CTSD: variants seen among roughly 807,000 people sequenced by gnomAD.
The protein encoded by CTSD is cathepsin D.
Under a neutral mutation model 43.6 loss-of-function variants are expected in CTSD, and 28 were observed. The ratio of observed to expected loss-of-function variants is 0.64; its 90% CI spans 0.48 to 0.88. The LOEUF is 0.88. Ranked by LOEUF, CTSD falls within the 40% of genes least tolerant of loss-of-function variation. The pLI is 0.00. For missense variants in CTSD, 485 were observed against 555.2 expected (o/e 0.87, Z 1.27); for synonymous variants, 270 against 249.8 (o/e 1.08, Z -0.76).
chr11:1,754,542 GGGATGGAGGGGATGGA>G (rs1845781740), intron 6 of CTSD, among the ~76,000 whole-genome samples: 1 of 126,484 alleles, frequency 7.9e-6, no homozygotes, highest in Non-Finnish European at 1.7e-5. Flanking sequence ...GAGGGATGGA[GGGATGGAGGGGATGGA>G]GGGATGGAGG....
At chr11:1,763,711 A>G in intron 1 of CTSD, 81 bp downstream of exon 1, 3 of 1,307,226 alleles carry the variant, frequency 2.3e-6, no homozygotes, top group Non-Finnish European at 3.1e-6. Context: ...GCCACAGGGG[A>G]GCGCGAAAGT....
chr11:1,754,104 C>A lies in CTSD; in HGVS notation c.862G>T (p.Glu288Ter), dbSNP rs1452751527. The stretch of plus-strand genomic sequence containing the variant: ...GTGTCCACAATGGCCTCACAGCCCT[C>A]CTTGCACAGGGTCAGCCCGCTGGCC... ...EVASGLTLCK[E>*]GCEAIVDTGT... The change falls in exon 7 of 9, where the codon GAG (glutamate) becomes TAG (stop). Residue 288 changes from glutamate (E) to a stop codon, truncating the protein, a stop_gained. Transcript: ENST00000236671. LOFTEE classifies it high-confidence loss of function. 6.2e-7 allele frequency: 1 copy of A among 1,611,138 alleles called. No homozygotes were observed. The highest frequency in any genetic ancestry group is 1.7e-5 in the Admixed American group (1 of 59,992).
chr11:1,757,718 T>C (rs1845827191), intron 4 of CTSD, among the ~76,000 whole-genome samples, 162 bp from the exon 5 acceptor site: 1 of 152,126 alleles, frequency 6.6e-6, no homozygotes, highest in South Asian at 2.1e-4. Context: ...TGAACACCGC[T>C]GGGGATGGGG....
Position 1,753,371 on chromosome 11 carries a change from G to A in CTSD, c.*132C>T, listed in dbSNP as rs767163886. The A allele has an allele frequency of 3.8e-5, 43 of 1,134,326 alleles. No individual in the cohort carries two copies. Among genetic ancestry groups the A allele is most frequent in the African/African-American group, 1.8e-4 (12 of 65,492 alleles). The allele number at this position is 1,134,326 out of a possible 1,614,324, so 70.3% of individuals were successfully genotyped here. A position where few individuals can be genotyped will look rare whatever the true frequency, so the allele number is the denominator to read the frequency against. ...CAAAACAGCAAGTCGGGCTTGGGCC[G>A]CCGGCTTCCAGGGCGCCCAGGACAG... On this transcript the variant is annotated 3_prime_UTR_variant, in exon 9 of 9. Coordinates refer to ENST00000236671, the MANE Select transcript of CTSD (RefSeq NM_001909.5).
Position 1,763,893 on chromosome 11 carries a change from G to C in CTSD, c.-34C>G. On this transcript the variant is annotated 5_prime_UTR_variant, in exon 1 of 9. Transcript: ENST00000236671. ...CGGCCGGGTCGGAGAGGGTCGCCGA[G>C]GCCGTGCGCTTATAGCCGGGATGAC... is the stretch of plus-strand genomic sequence containing the variant. 6.6e-7 allele frequency: 1 copy of C among 1,511,104 alleles called. No homozygotes were observed. Among genetic ancestry groups the C allele is most frequent in the Non-Finnish European group, 8.8e-7 (1 of 1,133,472 alleles). 93.6% of individuals were successfully genotyped at this position (1,511,104 alleles called of 1,614,324 possible).
At chr11:1,754,188 G>C in intron 6 of CTSD, 50 bp from the exon 7 acceptor site, 1 of 1,584,472 alleles carries the variant, frequency 6.3e-7, no homozygotes, top group Non-Finnish European at 8.6e-7. Flanking sequence ...AGTGTGCCCT[G>C]GGGGCCCAGT....
intron 1 of CTSD, chr11:1,762,200 GCCC>G (rs1038606377): frequency 6.5e-6 from 1 of 153,294 alleles, no homozygotes; most frequent in Non-Finnish European, 1.4e-5. Flanking sequence ...CTTCTGTGCT[GCCC>G]CCCCCACCGC....
intron 6 of CTSD, among the ~76,000 whole-genome samples, chr11:1,754,427 ATG>A (rs1845774242): frequency 1.0e-5 from 1 of 96,262 alleles, no homozygotes; most frequent in African/African-American, 3.6e-5. Flanking sequence ...ATGGAGGGGC[ATG>A]GAGGGATGGA....
In CTSD at chr11:1,757,354, TC is replaced by T. The variant is rs765214304; in HGVS notation, c.673del (p.Asp225ThrfsTer9). 6.2e-7 allele frequency: 1 copy of T among 1,614,030 alleles called. No individual in the cohort carries two copies. Among genetic ancestry groups the T allele is most frequent in the Non-Finnish European group, 8.5e-7 (1 of 1,179,996 alleles). On this transcript the variant is annotated frameshift_variant, in exon 5 of 9. Transcript: ENST00000236671. LOFTEE classifies it high-confidence loss of function. Reference protein sequence around the residue: ...FDNLMQQKLVDQNIFSFYLSR... With the variant: ...FDNLMQQKLVXQNIFSFYLSR... ...CAGGTAGAAGGAGAAGATGTTCTGG[TC>T]CACCAGCTTCTGCTGCATCAGGTTG...
rs746048174 is a variant in CTSD at position 1,757,608 on chromosome 11, A to G, written c.472-52T>C. 4.5e-5 allele frequency: 64 copies of G among 1,433,130 alleles called. No homozygotes were observed. The South Asian group carries it at 7.2e-4, about 16-fold the overall frequency. The allele number at this position is 1,433,130 out of a possible 1,614,324, so 88.8% of individuals were successfully genotyped here. A position where few individuals can be genotyped will look rare whatever the true frequency, so the allele number is the denominator to read the frequency against. On this transcript the variant is annotated intron_variant, in intron 4 of 8. Coordinates refer to ENST00000236671, the MANE Select transcript of CTSD (RefSeq NM_001909.5). The stretch of plus-strand genomic sequence containing the variant: ...CAGCAGACAGGCTGAGCCCTACACC[A>G]CTCCCTGAGCATGAGGCTACAAAAC...
chr11:1,757,920 G>A, intron 4 of CTSD: 1 of 348,886 alleles, frequency 2.9e-6, no homozygotes, highest in Non-Finnish European at 5.5e-6. Flanking sequence ...GCCTGGGCCA[G>A]GAGCCCGAGA....
rs527333798 is a variant in CTSD, at chr11:1,758,356, T to C, written c.471+613A>G. On this transcript the variant is annotated intron_variant, in intron 4 of 8. Coordinates refer to ENST00000236671, the MANE Select transcript of CTSD (RefSeq NM_001909.5). ...AACTCCTGAACCCCTTGTGGCCTGG[T>C]CCACCCCCAGCAGACAGCTCCGAGG... Among the ~76,000 whole-genome samples, 55 of 152,126 alleles carry C rather than the reference T, an allele frequency of 3.6e-4. 1 individual carries two copies. Among genetic ancestry groups the C allele is most frequent in the African/African-American group, 7.5e-4 (31 of 41,494 alleles).
intron 4 of CTSD, among the ~76,000 whole-genome samples, 199 bp downstream of exon 4, chr11:1,758,770 G>T (rs1845839241): frequency 6.6e-6 from 1 of 152,092 alleles, no homozygotes; most frequent in Admixed American, 6.5e-5. Context: ...GTACCCCCTG[G>T]GTTTGAGGCT....
intron 3 of CTSD, 78 bp from the exon 4 acceptor site, chr11:1,759,165 T>C: frequency 8.6e-7 from 1 of 1,162,976 alleles, no homozygotes; most frequent in South Asian, 1.2e-5. Context: ...CCCCCTACAA[T>C]CTACCATGGA....
chr11:1,753,684 G>C lies in CTSD; in HGVS notation c.1072-14C>G. On this transcript the variant is annotated splice_polypyrimidine_tract_variant and intron_variant, in intron 8 of 8. Coordinates refer to ENST00000236671, the MANE Select transcript of CTSD (RefSeq NM_001909.5). ...GGCCTGCGACACCTGGGACGGCCCT[G>C]GTGGTCAGTACCCAGGCCTAGCACC... The C allele has an allele frequency of 6.2e-7, 1 of 1,612,454 alleles. No homozygotes were observed. The highest frequency in any genetic ancestry group is 8.5e-7 in the Non-Finnish European group (1 of 1,179,730).
At chr11:1,755,790 G>A (rs1187688678) in intron 5 of CTSD, among the ~76,000 whole-genome samples, 2 of 152,130 alleles carry the variant, frequency 1.3e-5, no homozygotes, top group Non-Finnish European at 2.9e-5. Context: ...GCCTGACCCA[G>A]TCCTCCCAAC....
At chr11:1,761,739 A>C in intron 1 of CTSD, 1 of 539,022 alleles carries the variant, frequency 1.9e-6, no homozygotes, top group South Asian at 2.0e-5. Flanking sequence ...CCTGGGGGCC[A>C]GTGTGCCCAA....
intron 5 of CTSD, chr11:1,755,248 AG>A: frequency 1.6e-6 from 1 of 613,262 alleles, no homozygotes; most frequent in Non-Finnish European, 2.9e-6. Context: ...GGCCCAGAAG[AG>A]GTTTTCCTCA....
intron 6 of CTSD, among the ~76,000 whole-genome samples, chr11:1,754,673 CATGGAGGAA>C (rs1845787173): frequency 8.4e-6 from 1 of 118,892 alleles, no homozygotes; most frequent in African/African-American, 3.4e-5. Flanking sequence ...GTCACAGAGG[CATGGAGGAA>C]ATGGAGGGAT....
Sources: gnomAD v4.1 joint callset for allele counts (sites outside exome capture counted in the v4.1 genomes callset) on GRCh38, gnomAD v4.1.1 for gene constraint, MANE v1.5 for transcripts, NCBI Gene and HGNC (gene_info 2026-07-23, HGNC 2026-07-21) for gene names.